Variants in TMEM119 observed in about 807,000 individuals in gnomAD.
TMEM119 encodes the protein osteoblast induction factor.
For missense variants in TMEM119, 410 were observed against 381.0 expected (o/e 1.08, Z -0.63); for synonymous variants, 182 against 176.4 (o/e 1.03, Z -0.25).
At position 108,591,976 on chromosome 12, in the gene TMEM119, C is replaced by A; in HGVS notation, c.408G>T (p.Lys136Asn). The change falls in exon 2 of 2, where the codon AAG becomes AAT. Residue 136 changes from lysine to asparagine, a missense_variant. Coordinates refer to ENST00000392806, the MANE Select transcript of TMEM119 (RefSeq NM_181724.3). This position sits in a 1 kb window ranked among gnomAD's most constrained non-coding sequence, Gnocchi z 4.2. ...CGGCCCGGTCACTCTGGTCCACGTA[C>A]TTCTTCTTGGGGAAGGACGATGGGT... is the stretch of plus-strand genomic sequence containing the variant. Reference protein sequence around the residue: ...AYYPSSFPKKKYVDQSDRAGG... With the variant: ...AYYPSSFPKKNYVDQSDRAGG... 6.2e-7 allele frequency: 1 copy of A among 1,613,460 alleles called. No individual in the cohort carries two copies.
In TMEM119 at chr12:108,591,898, G is replaced by C. The variant is rs748122455; in HGVS notation, c.486C>G (p.Pro162=). ...GCCGGGAGGAATCCAGGGCTTCCTC[G>C]GGCCTGCTGTCGGGGGCTCTGTCGG... ...EVPDRAPDSR[P]EEALDSSRQL... Residue 162 remains proline (P), a synonymous_variant, in exon 2 of 2, where the codon CCC becomes CCG. Transcript: ENST00000392806. The surrounding 1 kb of genome is among the most constrained non-coding windows in gnomAD (Gnocchi z 4.2). The C allele has an allele frequency of 6.2e-7, 1 of 1,612,280 alleles. No individual in the cohort carries two copies. Among genetic ancestry groups the C allele is most frequent in the Non-Finnish European group, 8.5e-7 (1 of 1,179,362 alleles).
intron 1 of TMEM119, among the ~76,000 whole-genome samples, chr12:108,595,513 C>T (rs1760141280): frequency 1.3e-5 from 2 of 151,246 alleles, no homozygotes; most frequent in African/African-American, 4.9e-5. Context: ...GCCACACATA[C>T]CCATATACAC....
chr12:108,592,575 A>C lies in TMEM119; in HGVS notation c.-14-178T>G, dbSNP rs982249509. The stretch of plus-strand genomic sequence containing the variant: ...CTGTGGAGTACAGATGTGCTCCCCC[A>C]CTTCTCTGGAGGTCCCGGAGGTCAG... On this transcript the variant is annotated intron_variant, in intron 1 of 1. Transcript: ENST00000392806. This position sits in a 1 kb window ranked among gnomAD's most constrained non-coding sequence, Gnocchi z 4.3. Among the ~76,000 whole-genome samples, 1 of 152,020 alleles carries C rather than the reference A, an allele frequency of 6.6e-6. No individual in the cohort carries two copies. The highest frequency in any genetic ancestry group is 1.5e-5 in the Non-Finnish European group (1 of 67,990).
chr12:108,591,659 C>A lies in TMEM119; in HGVS notation c.725G>T (p.Gly242Val), dbSNP rs972528768. The change falls in exon 2 of 2, where the codon GGG (glycine) becomes GTG (valine). Residue 242 changes from glycine to valine, a missense_variant. Gly to Val is a moderately radical substitution (Grantham distance 109, BLOSUM62 -3). Transcript: ENST00000392806. The surrounding 1 kb of genome is among the most constrained non-coding windows in gnomAD (Gnocchi z 4.2). ...TTGGCCCTCACCGGCCACCACAGCCCCCTCAAGGACCCCTGAGCACGGCTC... is the reference window on the plus strand; with the variant it reads ...TTGGCCCTCACCGGCCACCACAGCCACCTCAAGGACCCCTGAGCACGGCTC... ...QEEPCSGVLEGAVVAGEGQGE... is the reference protein window; with the variant it reads ...QEEPCSGVLEVAVVAGEGQGE... 1 of 1,613,934 alleles carries A rather than the reference C, an allele frequency of 6.2e-7. No individual in the cohort carries two copies. Among genetic ancestry groups the A allele is most frequent in the Non-Finnish European group, 8.5e-7 (1 of 1,179,978 alleles).
At chr12:108,595,403 C>T (rs566969380) in intron 1 of TMEM119, among the ~76,000 whole-genome samples, 29 of 143,658 alleles carry the variant, frequency 2.0e-4, no homozygotes, top group South Asian at 1.8e-3. Context: ...CACACACATA[C>T]CACACACACA....
At position 108,591,578 on chromosome 12, in the gene TMEM119, G is replaced by A. The variant is rs143295982; in HGVS notation, c.806C>T (p.Pro269Leu). ...LAQEAQGPVG[P>L]PESPCACSSV... ...GCTGCAAGCACAGGGGCTTTCGGGG[G>A]GACCCACTGGTCCCTGGGCTTCCTG... The change falls in exon 2 of 2, where the codon CCC becomes CTC. Residue 269 changes from proline (P) to leucine (L), a missense_variant. Transcript: ENST00000392806. The surrounding 1 kb of genome is among the most constrained non-coding windows in gnomAD (Gnocchi z 4.2). 246 of 1,612,706 alleles carry A rather than the reference G, an allele frequency of 1.5e-4. No individual in the cohort carries two copies. The highest frequency in any genetic ancestry group is 1.9e-4 in the Non-Finnish European group (226 of 1,179,474).
In TMEM119 at chr12:108,591,620, C is replaced by A. The variant is rs1210826188; in HGVS notation, c.764G>T (p.Gly255Val). 1 of 1,613,994 alleles carries A rather than the reference C, an allele frequency of 6.2e-7. No individual in the cohort carries two copies. The highest frequency in any genetic ancestry group is 1.3e-5 in the African/African-American group (1 of 75,038). The change falls in exon 2 of 2, where the codon GGG (glycine) becomes GTG (valine). Residue 255 changes from glycine (G) to valine (V), a missense_variant. By Grantham distance (109) the Gly-to-Val change is moderately radical. Coordinates refer to ENST00000392806, the MANE Select transcript of TMEM119 (RefSeq NM_181724.3). The surrounding 1 kb of genome is among the most constrained non-coding windows in gnomAD (Gnocchi z 4.2). ...VAGEGQGELE[G>V]SLLLAQEAQG... Reference sequence around the variant, plus strand: ...GGCTTCCTGGGCTAACAAGAGAGACCCTTCCAGCTCCCCTTGGCCCTCACC... The same window carrying A: ...GGCTTCCTGGGCTAACAAGAGAGACACTTCCAGCTCCCCTTGGCCCTCACC...
chr12:108,593,750 A>T (rs929945928), intron 1 of TMEM119, among the ~76,000 whole-genome samples: 21 of 152,352 alleles, frequency 1.4e-4, no homozygotes, highest in African/African-American at 4.8e-4. Context: ...AGCCCGGCTG[A>T]TGAATTAATT....
intron 1 of TMEM119, among the ~76,000 whole-genome samples, chr12:108,597,078 G>A (rs927707994): frequency 2.0e-4 from 30 of 152,220 alleles, no homozygotes; most frequent in Non-Finnish European, 3.8e-4. Flanking sequence ...TGCACAGTGG[G>A]TGCCAATTAG....
At chr12:108,596,949 G>T (rs763596135) in intron 1 of TMEM119, among the ~76,000 whole-genome samples, 1 of 152,202 alleles carries the variant, frequency 6.6e-6, no homozygotes, top group Non-Finnish European at 1.5e-5. Context: ...GTCACTTCCC[G>T]GCTATGTGTC....
intron 1 of TMEM119, among the ~76,000 whole-genome samples, chr12:108,596,816 T>C (rs2031511825): frequency 6.6e-6 from 1 of 152,240 alleles, no homozygotes; most frequent in Non-Finnish European, 1.5e-5. Flanking sequence ...CGCCTCTTGC[T>C]TCACCTTAGA....
In TMEM119 at chr12:108,592,975, C is replaced by CT. The variant is rs1303597914; in HGVS notation, c.-14-579dup. On this transcript the variant is annotated intron_variant, in intron 1 of 1. Coordinates refer to ENST00000392806, the MANE Select transcript of TMEM119 (RefSeq NM_181724.3). The surrounding 1 kb of genome is among the most constrained non-coding windows in gnomAD (Gnocchi z 4.3). ...AGGTTGCTGAGTGACACCTCACCCCCTACCCACAACTCTGGGACCCTTCCC... is the reference window on the plus strand; with the variant it reads ...AGGTTGCTGAGTGACACCTCACCCCCTTACCCACAACTCTGGGACCCTTCCC... Among the ~76,000 whole-genome samples the CT allele has an allele frequency of 6.6e-6, 1 of 151,774 alleles. No individual in the cohort carries two copies.
chr12:108,593,981 A>AGGGAACT (rs2031462355), intron 1 of TMEM119, among the ~76,000 whole-genome samples: 1 of 152,206 alleles, frequency 6.6e-6, no homozygotes, highest in South Asian at 2.1e-4. Flanking sequence ...CTGAGGCCTC[A>AGGGAACT]GGGAACTGAG....
chr12:108,592,154 G>A lies in TMEM119; in HGVS notation c.230C>T (p.Pro77Leu). The A allele has an allele frequency of 6.2e-7, 1 of 1,614,056 alleles. No homozygotes were observed. Among genetic ancestry groups the A allele is most frequent in the Non-Finnish European group, 8.5e-7 (1 of 1,179,984 alleles). The part of the protein sequence containing the change: ...MGPQPITLGG[P>L]SPPTNFLDGI... ...ATCCAGGAAGTTGGTGGGGGGTGAT[G>A]GGCCCCCCAGGGTTATGGGCTGGGG... The change falls in exon 2 of 2, where the codon CCA (proline) becomes CTA (leucine). Residue 77 changes from proline (P) to leucine (L), a missense_variant. Transcript: ENST00000392806. The surrounding 1 kb of genome is among the most constrained non-coding windows in gnomAD (Gnocchi z 4.3).
chr12:108,594,981 G>A (rs17040818), intron 1 of TMEM119, among the ~76,000 whole-genome samples: 6 of 151,906 alleles, frequency 3.9e-5, no homozygotes, highest in Admixed American at 2.0e-4. Flanking sequence ...TGCTTTCCTC[G>A]CGGGTACTCA....
intron 1 of TMEM119, among the ~76,000 whole-genome samples, chr12:108,595,850 G>C (rs1361933494): frequency 6.6e-6 from 1 of 152,170 alleles, no homozygotes; most frequent in African/African-American, 2.4e-5. Context: ...TGACCTGCCA[G>C]TCACCTCCCT....
chr12:108,592,083 C>T lies in TMEM119; in HGVS notation c.301G>A (p.Val101Met). ...FRQYVMLIAV[V>M]GSLAFLLMFI... ...ATCAGCAGAAAGGCCAGGGAGCCCA[C>T]CACAGCAATCAGCATCACGTACTGG... is the stretch of plus-strand genomic sequence containing the variant. The change falls in exon 2 of 2, where the codon GTG becomes ATG. Residue 101 changes from valine to methionine, a missense_variant. Physicochemically the swap from Val to Met is conservative, Grantham distance 21. Coordinates refer to ENST00000392806, the MANE Select transcript of TMEM119 (RefSeq NM_181724.3). The surrounding 1 kb of genome is among the most constrained non-coding windows in gnomAD (Gnocchi z 4.3). 6.2e-7 allele frequency: 1 copy of T among 1,614,206 alleles called. No homozygotes were observed. Among genetic ancestry groups the T allele is most frequent in the Non-Finnish European group, 8.5e-7 (1 of 1,180,024 alleles).
In TMEM119 at chr12:108,591,936, A is replaced by AGGCCCGGGGGCCCCC; in HGVS notation, c.433_447dup (p.Gly145_Ala149dup). ...GGGGCTCTGTCGGGGACCTCACTGA[A>AGGCCCGGGGGCCCCC]GGCCCGGGGGCCCCCGGCCCGGTCA... On this transcript the variant is annotated inframe_insertion, in exon 2 of 2. Coordinates refer to ENST00000392806, the MANE Select transcript of TMEM119 (RefSeq NM_181724.3). This position sits in a 1 kb window ranked among gnomAD's most constrained non-coding sequence, Gnocchi z 4.2. 6.2e-7 allele frequency: 1 copy of AGGCCCGGGGGCCCCC among 1,612,746 alleles called. No homozygotes were observed. Among genetic ancestry groups the AGGCCCGGGGGCCCCC allele is most frequent in the Non-Finnish European group, 8.5e-7 (1 of 1,179,418 alleles).
At chr12:108,597,056 G>A (rs548589285) in intron 1 of TMEM119, among the ~76,000 whole-genome samples, 55 of 152,318 alleles carry the variant, frequency 3.6e-4, no homozygotes, top group African/African-American at 1.2e-3. Flanking sequence ...GACAAGATGC[G>A]GCCATGCCTG....
Sources: gnomAD v4.1 joint callset for allele counts (sites outside exome capture counted in the v4.1 genomes callset) on GRCh38, gnomAD v4.1.1 for gene constraint, Gnocchi (gnomAD v3.1) non-coding constraint, MANE v1.5 for transcripts, NCBI Gene and HGNC (gene_info 2026-07-23, HGNC 2026-07-21) for gene names.